PLB1: variants seen among roughly 807,000 people sequenced by gnomAD.
PLB1 encodes phospholipase B1.
In PLB1, 242 loss-of-function variants were observed where a neutral mutation model predicts 227.4. The observed-to-expected ratio is 1.06, with a 90% CI of 0.96 to 1.18. PLB1 has a LOEUF of 1.18. Ranked by LOEUF, PLB1 falls within the 50% of genes most tolerant of loss-of-function variation. The pLI, the probability that PLB1 is intolerant of heterozygous loss-of-function variation, is 0.00. For synonymous variants in PLB1, 757 were observed against 682.2 expected (o/e 1.11, Z -1.71); for missense variants, 1,858 against 1,816.3 (o/e 1.02, Z -0.42).
At position 28,567,619 on chromosome 2, in the gene PLB1, C is replaced by G. The variant is rs368099578; in HGVS notation, c.1324+780C>G. On this transcript the variant is annotated intron_variant, in intron 20 of 57. Transcript: ENST00000327757. ...CTCCCGAGTAGCTGGGACTACAGGCCCCCGCCACCACACCCAGCTAATTTT... is the reference window on the plus strand; with the variant it reads ...CTCCCGAGTAGCTGGGACTACAGGCGCCCGCCACCACACCCAGCTAATTTT... Among the ~76,000 whole-genome samples, 182 of 151,606 alleles carry G rather than the reference C, an allele frequency of 1.2e-3. 1 individual carries two copies. The highest frequency in any genetic ancestry group is 4.1e-3 in the African/African-American group (168 of 41,322).
Position 28,634,719 on chromosome 2 carries a change from G to A in PLB1, c.4098+1680G>A, listed in dbSNP as rs562189983. 3.9e-5 allele frequency among the ~76,000 whole-genome samples: 6 copies of A among 152,186 alleles called. No individual in the cohort carries two copies. The South Asian group carries it at 1.2e-3, about 32-fold the overall frequency. On this transcript the variant is annotated intron_variant, in intron 56 of 57. Coordinates refer to ENST00000327757, the MANE Select transcript of PLB1 (RefSeq NM_153021.5). ...GCCCAGGAATTAGACACCAACCTGG[G>A]CAACACAGGGGAGATTCTGTCTCTA...
chr2:28,580,373 A>G (rs7595633), intron 23 of PLB1, among the ~76,000 whole-genome samples: 60,678 of 152,096 alleles, frequency 0.4, 12,892 homozygotes, highest in African/African-American at 0.55. Context: ...CACAGCACAA[A>G]GCAGACATCA....
intron 6 of PLB1, among the ~76,000 whole-genome samples, chr2:28,528,338 T>C (rs1382048091): frequency 1.3e-5 from 2 of 152,168 alleles, no homozygotes; most frequent in Admixed American, 6.5e-5. Context: ...TGACACTCTC[T>C]CCCCGCTCTG....
At chr2:28,546,106 G>A (rs1345404505) in intron 14 of PLB1, among the ~76,000 whole-genome samples, 7 of 152,166 alleles carry the variant, frequency 4.6e-5, no homozygotes, top group Non-Finnish European at 7.3e-5. Context: ...ATCTAAACAT[G>A]CCTGGAACTG....
Position 28,601,292 on chromosome 2 carries a change from T to G in PLB1, c.2567T>G (p.Leu856Arg), listed in dbSNP as rs778980315. ...GAAGACTGGAAGGTCATCACAGTGCTGATCGGAGGCAGCGATTTATGTGAC... is the reference window on the plus strand; with the variant it reads ...GAAGACTGGAAGGTCATCACAGTGCGGATCGGAGGCAGCGATTTATGTGAC... ...FHEDWKVITV[L>R]IGGSDLCDYC... Residue 856 changes from leucine to arginine, a missense_variant, in exon 37 of 58, where the codon CTG becomes CGG. By Grantham distance (102) the Leu-to-Arg change is moderately radical (BLOSUM62 -2). Transcript: ENST00000327757. The G allele has an allele frequency of 7.9e-5, 127 of 1,614,208 alleles. No individual in the cohort carries two copies. Among genetic ancestry groups the G allele is most frequent in the Middle Eastern group, 3.3e-4 (2 of 6,060 alleles).
At chr2:28,617,105 A>AAATTGACT (rs917190242) in intron 44 of PLB1, among the ~76,000 whole-genome samples, 88 of 152,352 alleles carry the variant, frequency 5.8e-4, no homozygotes, top group African/African-American at 2.1e-3. Flanking sequence ...GAGACAAAGA[A>AAATTGACT]AATTGACTAA....
At chr2:28,625,141 G>A (rs201707583) in intron 50 of PLB1, 33 bp downstream of exon 50, 6 of 1,596,146 alleles carry the variant, frequency 3.8e-6, no homozygotes, top group Middle Eastern at 1.7e-4. Flanking sequence ...CCCCTGAAAG[G>A]TGCCCATCTC....
At chr2:28,525,784 C>T (rs772927635) in intron 5 of PLB1, 121 bp from the exon 6 acceptor site, 19 of 1,261,710 alleles carry the variant, frequency 1.5e-5, no homozygotes, top group Non-Finnish European at 2.1e-5. Context: ...GGAGGATAAT[C>T]CCAGAACCAG....
intron 1 of PLB1, among the ~76,000 whole-genome samples, chr2:28,503,997 G>C (rs146038507): frequency 5.3e-4 from 80 of 152,336 alleles, no homozygotes; most frequent in African/African-American, 1.8e-3. Flanking sequence ...TTGTTTTCCA[G>C]TTCATTCATT....
At chr2:28,550,442 C>A (rs970764690) in intron 16 of PLB1, among the ~76,000 whole-genome samples, 4 of 151,742 alleles carry the variant, frequency 2.6e-5, no homozygotes, top group African/African-American at 7.3e-5. Context: ...TCCCGAAGTG[C>A]TGGGATTACA....
chr2:28,594,317 G>A (rs965393071), intron 33 of PLB1: 2 of 248,052 alleles, frequency 8.1e-6, no homozygotes, highest in Admixed American at 9.8e-5. Context: ...ACACGGAAGT[G>A]GAGAAGCTCA....
chr2:28,539,139 T>C lies in PLB1; in HGVS notation c.659T>C (p.Val220Ala), dbSNP rs749873720. 10 of 1,614,004 alleles carry C rather than the reference T, an allele frequency of 6.2e-6. No homozygotes were observed. The highest frequency in any genetic ancestry group is 1.7e-4 in the Middle Eastern group (1 of 6,060). The change falls in exon 11 of 58, where the codon GTT becomes GCT. Residue 220 changes from valine (V) to alanine (A), a missense_variant. Coordinates refer to ENST00000327757, the MANE Select transcript of PLB1 (RefSeq NM_153021.5). ...GTAAACCTGGTGGACCTCTCTGAGG[T>C]TGCAGAGGTCTCTCGTCAGTATCAC... is the stretch of plus-strand genomic sequence containing the variant. Reference protein sequence around the residue: ...AFVNLVDLSEVAEVSRQYHGT... With the variant: ...AFVNLVDLSEAAEVSRQYHGT...
chr2:28,642,884 G>T lies in PLB1; in HGVS notation c.4200G>T (p.Arg1400=), dbSNP rs1470322682. 1 of 1,605,758 alleles carries T rather than the reference G, an allele frequency of 6.2e-7. No homozygotes were observed. ...SPESPYLYTL[R]NSRLLPDQAE... is the part of the protein sequence containing the mutation. ...AGAGCCCTTACCTCTACACCCTGCG[G>T]AACAGCCGATTGCTCCCAGACCAGG... is the stretch of plus-strand genomic sequence containing the variant. The change falls in exon 58 of 58, where the codon CGG becomes CGT. Residue 1400 remains arginine, a synonymous_variant. Coordinates refer to ENST00000327757, the MANE Select transcript of PLB1 (RefSeq NM_153021.5).
chr2:28,614,428 G>T (rs78366721), intron 44 of PLB1, among the ~76,000 whole-genome samples: 10 of 152,294 alleles, frequency 6.6e-5, no homozygotes, highest in African/African-American at 2.4e-4. Context: ...GTGATGTGGC[G>T]TTGACTTCTT....
chr2:28,557,043 C>G (rs1272512552), intron 17 of PLB1, among the ~76,000 whole-genome samples: 1 of 151,910 alleles, frequency 6.6e-6, no homozygotes, highest in Non-Finnish European at 1.5e-5. Flanking sequence ...TGGTCACCAC[C>G]TACTCAGGGG....
At chr2:28,554,690 C>T (rs1674780914) in intron 17 of PLB1, among the ~76,000 whole-genome samples, 1 of 151,918 alleles carries the variant, frequency 6.6e-6, no homozygotes, top group Admixed American at 6.6e-5. Flanking sequence ...CCTTTTTAAT[C>T]TTATTCTGAA....
intron 1 of PLB1, among the ~76,000 whole-genome samples, chr2:28,512,410 T>G (rs1205480501): frequency 1.2e-4 from 19 of 152,180 alleles, no homozygotes; most frequent in Admixed American, 1.2e-3. Flanking sequence ...TTTGAAGACT[T>G]TGCCTGTGAA....
At chr2:28,545,068 G>A (rs903661918) in intron 14 of PLB1, among the ~76,000 whole-genome samples, 23 of 152,128 alleles carry the variant, frequency 1.5e-4, no homozygotes, top group Admixed American at 6.5e-5. Flanking sequence ...CCCCACGTAC[G>A]GTCTCTTAAA....
At chr2:28,624,123 C>T (rs970718829) in intron 49 of PLB1, among the ~76,000 whole-genome samples, 3 of 152,070 alleles carry the variant, frequency 2.0e-5, no homozygotes, top group Admixed American at 6.6e-5. Flanking sequence ...TAACATTGTA[C>T]CTGTGAAATC....
Sources: allele counts gnomAD v4.1 joint callset (sites outside exome capture counted in the v4.1 genomes callset), GRCh38; gene constraint gnomAD v4.1.1; transcripts MANE v1.5; gene names NCBI Gene and HGNC (gene_info 2026-07-23, HGNC 2026-07-21).